The following ALK variants were observed in gnomAD, a reference collection of about 807,000 sequenced individuals.
The protein encoded by ALK is ALK receptor tyrosine kinase, also known as ALK tyrosine kinase receptor.
A neutral mutation model predicts 163.1 loss-of-function variants in ALK; 74 were observed. The ratio of observed to expected loss-of-function variants is 0.45; its 90% CI spans 0.38 to 0.55. The LOEUF (loss-of-function observed/expected upper bound fraction) is 0.55, where lower values mean the gene tolerates loss of function less well. Among genes scored for constraint, ALK ranks in the 20% least tolerant of loss-of-function variants. The pLI, the probability that ALK is intolerant of heterozygous loss-of-function variation, is 0.00. For missense variants in ALK, 2,063 were observed against 2,105.3 expected (o/e 0.98, Z 0.39); for synonymous variants, 960 against 843.2 (o/e 1.14, Z -2.40).
chr2:29,233,716 G>A lies in ALK; in HGVS notation c.2356-20C>T, dbSNP rs577586643. On this transcript the variant is annotated intron_variant, in intron 13 of 28. Transcript: ENST00000389048. ...GTTTGTCTGTAGAAACAAAAAGCAC[G>A]TTAGGTTTGTGGCCAAACCAGAGTT... The A allele has an allele frequency of 2.3e-5, 37 of 1,614,172 alleles. 1 individual carries two copies. The highest frequency in any genetic ancestry group is 8.3e-5 in the Admixed American group (5 of 60,026).
intron 3 of ALK, among the ~76,000 whole-genome samples, chr2:29,545,212 C>G (rs948865431): frequency 2.6e-5 from 4 of 152,176 alleles, no homozygotes; most frequent in African/African-American, 9.7e-5. Context: ...ACAGTGGGTC[C>G]TCCTTTTGAA....
intron 1 of ALK, among the ~76,000 whole-genome samples, chr2:29,877,933 C>T (rs767808787): frequency 6.6e-6 from 1 of 152,210 alleles, no homozygotes; most frequent in Non-Finnish European, 1.5e-5. Context: ...ATTCTGGCTT[C>T]CTTCCCAGAC....
At chr2:29,502,718 T>C (rs889555498) in intron 4 of ALK, among the ~76,000 whole-genome samples, 2 of 152,108 alleles carry the variant, frequency 1.3e-5, no homozygotes, top group African/African-American at 4.8e-5. Context: ...GAAAGCATAT[T>C]GAGTTTATGC....
Position 29,629,026 on chromosome 2 carries a change from G to T in ALK, c.952+65824C>A, listed in dbSNP as rs145800721. 3.6e-3 allele frequency among the ~76,000 whole-genome samples: 555 copies of T among 152,238 alleles called. 3 individuals carry two copies. The highest frequency in any genetic ancestry group is 0.013 in the African/African-American group (525 of 41,544). On this transcript the variant is annotated intron_variant, in intron 3 of 28. Coordinates refer to ENST00000389048, the MANE Select transcript of ALK (RefSeq NM_004304.5). ...AAGACTGCCATGGGAGTGTTGGCAG[G>T]CAAAGCTATCTGCTTTCTATGATAA...
intron 1 of ALK, among the ~76,000 whole-genome samples, chr2:29,756,922 T>C (rs189021244): frequency 2.6e-5 from 4 of 152,284 alleles, no homozygotes; most frequent in East Asian, 1.9e-4. Context: ...GAAGCTGGCA[T>C]TGCCGTGGGA....
intron 1 of ALK, among the ~76,000 whole-genome samples, chr2:29,848,513 C>G (rs144873082): frequency 1.7e-3 from 260 of 152,310 alleles, no homozygotes; most frequent in Middle Eastern, 6.8e-3. Context: ...TTTCTGCTAG[C>G]CTGCAGGGCT....
intron 4 of ALK, among the ~76,000 whole-genome samples, chr2:29,430,018 T>C (rs1279708890): frequency 1.3e-5 from 2 of 152,144 alleles, no homozygotes; most frequent in African/African-American, 4.8e-5. Context: ...CAAAATGAAG[T>C]TGAACCCCTA....
chr2:29,543,683 T>C (rs945694641), intron 3 of ALK, among the ~76,000 whole-genome samples: 7 of 152,230 alleles, frequency 4.6e-5, no homozygotes, highest in African/African-American at 9.6e-5. Context: ...ATCTTTTACC[T>C]GCACTCTCAG....
chr2:29,340,603 C>T (rs1358293407), intron 5 of ALK, among the ~76,000 whole-genome samples: 1 of 152,216 alleles, frequency 6.6e-6, no homozygotes, highest in Non-Finnish European at 1.5e-5. Context: ...CTTCCACCCT[C>T]ACCACTGATT....
At chr2:29,817,860 A>G (rs1454694711) in intron 1 of ALK, among the ~76,000 whole-genome samples, 2 of 152,196 alleles carry the variant, frequency 1.3e-5, no homozygotes, top group Admixed American at 6.5e-5. Flanking sequence ...TGGGCCAGGG[A>G]ACTAGAGGAT....
chr2:29,723,517 C>T (rs1679479663), intron 1 of ALK, among the ~76,000 whole-genome samples: 1 of 152,206 alleles, frequency 6.6e-6, no homozygotes, highest in South Asian at 2.1e-4. Context: ...TGCTATGTCT[C>T]CATGCCTGGC....
rs1668944978 is a variant in ALK at position 29,193,685 on chromosome 2, C to G, written c.4402G>C (p.Gly1468Arg). Residue 1468 changes from glycine (G) to arginine (R), a missense_variant, in exon 29 of 29, where the codon GGG becomes CGG. By Grantham distance (125) the Gly-to-Arg change is moderately radical. Transcript: ENST00000389048. ...ACGTGTCCCCCTTCCACGGCCGGCCCTCTAGGGACTCGAACAGAGATCTCT... is the reference window on the plus strand; with the variant it reads ...ACGTGTCCCCCTTCCACGGCCGGCCGTCTAGGGACTCGAACAGAGATCTCT... ...AAEISVRVPRGPAVEGGHVNM... is the reference protein window; with the variant it reads ...AAEISVRVPRRPAVEGGHVNM... 9 of 1,613,646 alleles carry G rather than the reference C, an allele frequency of 5.6e-6. No individual in the cohort carries two copies. In the South Asian group the frequency reaches 7.7e-5, roughly 14 times the overall value.
intron 13 of ALK, 97 bp downstream of exon 13, chr2:29,239,583 A>G: frequency 7.0e-7 from 1 of 1,434,358 alleles, no homozygotes; most frequent in Non-Finnish European, 9.7e-7. Context: ...TCCTGGTATG[A>G]ACTTCCAGGA....
intron 1 of ALK, among the ~76,000 whole-genome samples, chr2:29,860,085 T>G (rs554067571): frequency 1.3e-5 from 2 of 152,208 alleles, no homozygotes; most frequent in East Asian, 3.9e-4. Flanking sequence ...TAAGCAACAT[T>G]GAGTGCTTCC....
Position 29,349,826 on chromosome 2 carries a change from C to T in ALK, c.1283-21345G>A, listed in dbSNP as rs547216109. On this transcript the variant is annotated intron_variant, in intron 5 of 28. Coordinates refer to ENST00000389048, the MANE Select transcript of ALK (RefSeq NM_004304.5). Reference sequence around the variant, plus strand: ...GAGCAGCCTGCAATGTACAGTGCGACTGTGGGGAAGACTCCAAACTGGATG... The same window carrying T: ...GAGCAGCCTGCAATGTACAGTGCGATTGTGGGGAAGACTCCAAACTGGATG... Among the ~76,000 whole-genome samples the T allele has an allele frequency of 2.6e-5, 4 of 152,340 alleles. No homozygotes were observed. In the South Asian group the frequency reaches 8.3e-4, roughly 32 times the overall value.
intron 1 of ALK, among the ~76,000 whole-genome samples, chr2:29,804,588 C>T (rs539524617): frequency 6.6e-6 from 1 of 152,364 alleles, no homozygotes; most frequent in African/African-American, 2.4e-5. Flanking sequence ...GCCGTGGAGG[C>T]CTGTGACTCC....
At chr2:29,367,970 T>C (rs1036595857) in intron 5 of ALK, among the ~76,000 whole-genome samples, 1 of 152,254 alleles carries the variant, frequency 6.6e-6, no homozygotes, top group African/African-American at 2.4e-5. Context: ...TAGTTTCCCG[T>C]GCCGCACCAT....
rs1395432812 is a variant in ALK at position 29,876,626 on chromosome 2, T to C, written c.667+43367A>G. Among the ~76,000 whole-genome samples the C allele has an allele frequency of 4.0e-5, 6 of 150,438 alleles. No homozygotes were observed. The South Asian group carries it at 6.4e-4, about 16-fold the overall frequency. ...GTGATGGCAATAATGCTGATGGTGG[T>C]GATGGCGGTGATGGTGATGATGGTG... On this transcript the variant is annotated intron_variant, in intron 1 of 28. Coordinates refer to ENST00000389048, the MANE Select transcript of ALK (RefSeq NM_004304.5).
intron 3 of ALK, among the ~76,000 whole-genome samples, chr2:29,684,999 C>T (rs2246276): frequency 0.87 from 132,171 of 152,234 alleles, 57,659 homozygotes; most frequent in African/African-American, 0.95. Context: ...AAAGACTCAG[C>T]TTCCTCTCTT....
Sources: gnomAD v4.1 joint callset for allele counts (sites outside exome capture counted in the v4.1 genomes callset) on GRCh38, gnomAD v4.1.1 for gene constraint, MANE v1.5 for transcripts, NCBI Gene and HGNC (gene_info 2026-07-23, HGNC 2026-07-21) for gene names.